CA10: variants seen among roughly 807,000 people sequenced by gnomAD.
CA10 encodes the protein carbonic anhydrase-related protein 10.
In CA10, 14 loss-of-function variants were observed where a neutral mutation model predicts 44.2. That is an observed-to-expected ratio of 0.32 (90% confidence interval 0.21 to 0.50). The LOEUF (loss-of-function observed/expected upper bound fraction) is 0.50, where lower values mean the gene tolerates loss of function less well. CA10 is among the 20% of genes least tolerant of loss of function. The pLI is 0.99. For missense variants in CA10, 350 were observed against 409.7 expected, an observed-to-expected ratio of 0.85 and a Z score of 1.26; for synonymous variants, 159 against 141.6, an observed-to-expected ratio of 1.12 and a Z score of -0.87.
intron 3 of CA10, among the ~76,000 whole-genome samples, chr17:51,820,417 C>A (rs191146045): frequency 1.4e-4 from 10 of 70,066 alleles, no homozygotes; most frequent in African/African-American, 3.0e-4. Flanking sequence ...CCCCCCCCCC[C>A]CGCCCGCCGA....
At chr17:52,050,048 T>G (rs1987019077) in intron 2 of CA10, among the ~76,000 whole-genome samples, 1 of 152,070 alleles carries the variant, frequency 6.6e-6, no homozygotes, top group Admixed American at 6.6e-5. Context: ...TAGGTTTGTG[T>G]AAGTGCACTC....
chr17:51,927,872 T>G (rs1238286352), intron 3 of CA10, among the ~76,000 whole-genome samples: 1 of 152,182 alleles, frequency 6.6e-6, no homozygotes, highest in East Asian at 1.9e-4. Flanking sequence ...TTTGATTAAG[T>G]TAATTTAGTA....
intron 2 of CA10, among the ~76,000 whole-genome samples, chr17:51,964,080 C>T (rs965289434): frequency 4.0e-5 from 6 of 151,626 alleles, no homozygotes; most frequent in African/African-American, 1.5e-4. Flanking sequence ...TTCTATAACA[C>T]AAATAGAAAA....
intron 3 of CA10, among the ~76,000 whole-genome samples, chr17:51,827,771 C>A (rs1325758145): frequency 6.6e-6 from 1 of 152,136 alleles, no homozygotes; most frequent in African/African-American, 2.4e-5. Flanking sequence ...AGCTCTTTAC[C>A]AAGCCTGGTT....
At chr17:51,818,492 A>G (rs567247375) in intron 3 of CA10, among the ~76,000 whole-genome samples, 1 of 152,300 alleles carries the variant, frequency 6.6e-6, no homozygotes, top group Admixed American at 6.5e-5. Context: ...AGAAACAAGC[A>G]TCTAGGGAGG....
chr17:51,824,623 G>C (rs1053269739), intron 3 of CA10, among the ~76,000 whole-genome samples: 3 of 152,134 alleles, frequency 2.0e-5, no homozygotes, highest in Non-Finnish European at 4.4e-5. Flanking sequence ...GCTCAGACCA[G>C]CACTGATCTC....
chr17:51,933,607 C>A (rs928996398), intron 2 of CA10, among the ~76,000 whole-genome samples: 4 of 152,102 alleles, frequency 2.6e-5, no homozygotes, highest in Non-Finnish European at 4.4e-5. Context: ...CAGTTGTGAT[C>A]ATTTGTTATG....
At chr17:52,088,804 A>G (rs999863604) in intron 1 of CA10, among the ~76,000 whole-genome samples, 6 of 152,236 alleles carry the variant, frequency 3.9e-5, no homozygotes, top group African/African-American at 1.4e-4. Flanking sequence ...ATGAAAAGAA[A>G]AAAACCCTTA....
In CA10 at chr17:51,641,720, C is replaced by T. The variant is rs1274345594; in HGVS notation, c.635-5711G>A. Reference sequence around the variant, plus strand: ...GCTGACTTTTTCTTTTTGTAGGAGACGTACACTATGATAAAATGCCTAGGA... The same window carrying T: ...GCTGACTTTTTCTTTTTGTAGGAGATGTACACTATGATAAAATGCCTAGGA... On this transcript the variant is annotated intron_variant, in intron 6 of 8. Transcript: ENST00000451037. Among the ~76,000 whole-genome samples, 5 of 151,250 alleles carry T rather than the reference C, an allele frequency of 3.3e-5. No homozygotes were observed. In the East Asian group the frequency reaches 7.8e-4, roughly 24 times the overall value.
At chr17:51,650,000 GCC>G (rs1913501531) in intron 5 of CA10, among the ~76,000 whole-genome samples, 1 of 150,880 alleles carries the variant, frequency 6.6e-6, no homozygotes. Flanking sequence ...CAGCCAGCCA[GCC>G]AGCCACCCAC....
At chr17:51,778,650 A>G (rs1905923242) in intron 3 of CA10, among the ~76,000 whole-genome samples, 1 of 152,204 alleles carries the variant, frequency 6.6e-6, no homozygotes, top group African/African-American at 2.4e-5. Context: ...AGTGTCAATC[A>G]TTTGTTCAAC....
intron 3 of CA10, among the ~76,000 whole-genome samples, chr17:51,880,339 C>T (rs970996245): frequency 2.0e-5 from 3 of 151,930 alleles, no homozygotes; most frequent in Non-Finnish European, 2.9e-5. Context: ...CAGGGTCTTG[C>T]TCTGTCACCC....
At chr17:52,063,832 C>G (rs1419580486) in intron 2 of CA10, among the ~76,000 whole-genome samples, 2 of 152,168 alleles carry the variant, frequency 1.3e-5, no homozygotes, top group East Asian at 3.8e-4. Flanking sequence ...TACGGAAACA[C>G]AAATGGAATA....
intron 2 of CA10, among the ~76,000 whole-genome samples, chr17:51,940,992 G>A (rs1983056933): frequency 6.6e-6 from 1 of 152,072 alleles, no homozygotes; most frequent in Non-Finnish European, 1.5e-5. Flanking sequence ...TGCCATTGGT[G>A]GGAAATCAGA....
At chr17:51,768,201 G>A (rs1488568233) in intron 3 of CA10, among the ~76,000 whole-genome samples, 1 of 127,990 alleles carries the variant, frequency 7.8e-6, no homozygotes, top group Admixed American at 8.2e-5. Flanking sequence ...CTTTTATTTT[G>A]CTTCTGGTAG....
At chr17:52,057,098 T>TC (rs1432499496) in intron 2 of CA10, among the ~76,000 whole-genome samples, 2 of 152,058 alleles carry the variant, frequency 1.3e-5, no homozygotes, top group African/African-American at 4.8e-5. Flanking sequence ...AATTAGAGTT[T>TC]CCCCCATCAA....
At chr17:51,820,404 T>TCCCCCC (rs1567850403) in intron 3 of CA10, among the ~76,000 whole-genome samples, 2 of 21,606 alleles carry the variant, frequency 9.3e-5, no homozygotes, top group African/African-American at 2.7e-4. Context: ...GGGATTCCCC[T>TCCCCCC]ACCCCCCCCC....
At chr17:52,091,641 G>A (rs1988269153) in intron 1 of CA10, among the ~76,000 whole-genome samples, 2 of 152,174 alleles carry the variant, frequency 1.3e-5, no homozygotes. Flanking sequence ...AGCCTGGAGA[G>A]TTACTTCAAG....
intron 2 of CA10, among the ~76,000 whole-genome samples, chr17:52,066,138 G>T (rs112140150): frequency 6.6e-6 from 1 of 152,066 alleles, no homozygotes; most frequent in Non-Finnish European, 1.5e-5. Context: ...GTATGAAAAC[G>T]GACTAATAGA....
Sources: allele counts gnomAD v4.1 joint callset (sites outside exome capture counted in the v4.1 genomes callset), GRCh38; gene constraint gnomAD v4.1.1; transcripts MANE v1.5; gene names NCBI Gene and HGNC (gene_info 2026-07-23, HGNC 2026-07-21).